Variants in FHOD3 observed in about 807,000 individuals in gnomAD.
The protein encoded by FHOD3 is FH1/FH2 domain-containing protein 3.
Under a neutral mutation model 173.0 loss-of-function variants are expected in FHOD3, and 90 were observed. That is an observed-to-expected ratio of 0.52 (90% CI 0.44 to 0.62). The LOEUF is 0.62. FHOD3 is among the 20% of genes least tolerant of loss of function. The pLI is 0.00. For synonymous variants in FHOD3, 828 were observed against 823.0 expected (o/e 1.01, Z -0.10); for missense variants, 1,945 against 2,034.7 (o/e 0.96, Z 0.85).
chr18:36,722,413 G>A (rs1028400308), intron 19 of FHOD3, among the ~76,000 whole-genome samples: 9 of 152,110 alleles, frequency 5.9e-5, no homozygotes, highest in African/African-American at 1.9e-4. Flanking sequence ...GACATGGAGT[G>A]GAACTCAGTT....
intron 5 of FHOD3, among the ~76,000 whole-genome samples, chr18:36,548,910 G>C (rs1437341450): frequency 6.6e-6 from 1 of 152,116 alleles, no homozygotes; most frequent in African/African-American, 2.4e-5. Context: ...TGTTTGTATG[G>C]AGATGTTTTT....
chr18:36,317,075 A>G (rs1482666676), intron 1 of FHOD3, among the ~76,000 whole-genome samples: 1 of 152,254 alleles, frequency 6.6e-6, no homozygotes, highest in African/African-American at 2.4e-5. Context: ...ATGGCTGCAT[A>G]GTATTCCATT....
At chr18:36,483,521 A>G (rs192526589) in intron 3 of FHOD3, among the ~76,000 whole-genome samples, 18 of 152,326 alleles carry the variant, frequency 1.2e-4, no homozygotes, top group African/African-American at 3.6e-4. Flanking sequence ...GAACGTGTAT[A>G]TGTCAGAGGA....
chr18:36,709,508 C>G, intron 18 of FHOD3, 117 bp downstream of exon 18: 1 of 1,131,258 alleles, frequency 8.8e-7, no homozygotes, highest in Non-Finnish European at 1.2e-6. Flanking sequence ...TCAACCCACT[C>G]ATGTGGCTGT....
rs770782518 is a variant in FHOD3 at position 36,744,208 on chromosome 18, G to A, written c.4041+15G>A. ...GGTCAGCCAAGGTATGTCTGTGGAC[G>A]CTGAGGAGTGGGCCTGGTCTCGCTG... is the stretch of plus-strand genomic sequence containing the variant. On this transcript the variant is annotated intron_variant, in intron 23 of 28. Transcript: ENST00000590592. 63 of 1,604,070 alleles carry A rather than the reference G, an allele frequency of 3.9e-5. No individual in the cohort carries two copies. The highest frequency in any genetic ancestry group is 6.7e-5 in the East Asian group (3 of 44,696).
At chr18:36,434,975 G>A (rs2050739047) in intron 3 of FHOD3, among the ~76,000 whole-genome samples, 2 of 151,874 alleles carry the variant, frequency 1.3e-5, no homozygotes, top group African/African-American at 4.8e-5. Context: ...CACATCATAT[G>A]TAAATAAAGT....
At chr18:36,695,210 G>T (rs2039207449) in intron 17 of FHOD3, among the ~76,000 whole-genome samples, 1 of 151,974 alleles carries the variant, frequency 6.6e-6, no homozygotes, top group South Asian at 2.1e-4. Context: ...AAATTAGCCG[G>T]GCGTGGTGGC....
rs149659760 is a variant in FHOD3, at chr18:36,740,666, C to T, written c.3587C>T (p.Thr1196Met). The change falls in exon 21 of 29, where the codon ACG becomes ATG. Residue 1196 changes from threonine (T) to methionine (M), a missense_variant. By Grantham distance (81) the Thr-to-Met change is moderately conservative. Coordinates refer to ENST00000590592, the MANE Select transcript of FHOD3 (RefSeq NM_001281740.3). ...ATCTCCTATTTCCAGAAAATTCTAACGATGATTCCCACCGATGAGGAGAAG... is the reference window on the plus strand; with the variant it reads ...ATCTCCTATTTCCAGAAAATTCTAATGATGATTCCCACCGATGAGGAGAAG... ...LNKEGIEKIL[T>M]MIPTDEEKQK... is the part of the protein sequence containing the mutation. 1.6e-5 allele frequency: 26 copies of T among 1,613,118 alleles called. No homozygotes were observed. Among genetic ancestry groups the T allele is most frequent in the African/African-American group, 5.3e-5 (4 of 74,856 alleles).
chr18:36,416,561 ACT>A (rs1214491461), intron 3 of FHOD3, among the ~76,000 whole-genome samples: 1 of 151,794 alleles, frequency 6.6e-6, no homozygotes, highest in Non-Finnish European at 1.5e-5. Flanking sequence ...TTCAGTTTCT[ACT>A]CTCTGCTTAT....
chr18:36,384,626 A>T (rs1488155063), intron 3 of FHOD3, among the ~76,000 whole-genome samples: 1 of 151,878 alleles, frequency 6.6e-6, no homozygotes, highest in African/African-American at 2.4e-5. Context: ...TCCAATTTTT[A>T]AAAATAAAGT....
In FHOD3 at chr18:36,742,719, T is replaced by C; in HGVS notation, c.3760-18T>C. 5.5e-6 allele frequency: 8 copies of C among 1,457,930 alleles called. No homozygotes were observed. Among genetic ancestry groups the C allele is most frequent in the Non-Finnish European group, 7.4e-6 (8 of 1,079,418 alleles). 90.3% of individuals were successfully genotyped at this position (1,457,930 alleles called of 1,614,324 possible). On this transcript the variant is annotated intron_variant, in intron 21 of 28. Transcript: ENST00000590592. ...AAATTGTACACTCTTTATTGTCTAA[T>C]TTTTTTTTAACTGAAAGGAAGTAGC...
intron 18 of FHOD3, among the ~76,000 whole-genome samples, chr18:36,714,803 T>G (rs2040359262): frequency 1.3e-5 from 2 of 152,188 alleles, no homozygotes; most frequent in African/African-American, 4.8e-5. Context: ...TTGTAAAACC[T>G]AAAAGAGGGT....
At chr18:36,469,392 G>A (rs976647424) in intron 3 of FHOD3, among the ~76,000 whole-genome samples, 14 of 152,224 alleles carry the variant, frequency 9.2e-5, no homozygotes, top group Non-Finnish European at 1.3e-4. Context: ...CCACTGCAGT[G>A]TAGACAGTTG....
intron 19 of FHOD3, among the ~76,000 whole-genome samples, chr18:36,726,537 C>G (rs1312635457): frequency 6.6e-6 from 1 of 152,122 alleles, no homozygotes. Flanking sequence ...TTCACAAGGA[C>G]CACTCTTTCT....
chr18:36,332,761 G>T (rs541349500), intron 1 of FHOD3, among the ~76,000 whole-genome samples: 1 of 152,196 alleles, frequency 6.6e-6, no homozygotes, highest in Non-Finnish European at 1.5e-5. Flanking sequence ...TGCCTATAGC[G>T]GTAAGGCGGT....
intron 14 of FHOD3, among the ~76,000 whole-genome samples, chr18:36,676,392 C>G (rs1466708839): frequency 1.3e-5 from 2 of 152,034 alleles, no homozygotes; most frequent in Non-Finnish European, 2.9e-5. Context: ...TAGAGTATTC[C>G]TTTCTAAAAA....
chr18:36,523,029 C>A (rs1469456080), intron 5 of FHOD3, among the ~76,000 whole-genome samples: 1 of 152,180 alleles, frequency 6.6e-6, no homozygotes, highest in Non-Finnish European at 1.5e-5. Flanking sequence ...GGGAGTTTGG[C>A]CTGACTTGTT....
chr18:36,652,570 C>T lies in FHOD3; in HGVS notation c.1287C>T (p.Ser429=), dbSNP rs2036135454. The part of the protein sequence containing the change: ...EDDASCQGKD[S]KVGAASGQSP... ...CTCCTCCTCCCTGCTGGCCCAACAG[C>T]AAGGTCGGCGCTGCCTCAGGGCAGA... Residue 429 remains serine (S), a splice_region_variant and synonymous_variant, in exon 12 of 29, where the codon AGC becomes AGT. Coordinates refer to ENST00000590592, the MANE Select transcript of FHOD3 (RefSeq NM_001281740.3). The T allele has an allele frequency of 1.3e-6, 2 of 1,522,200 alleles. No individual in the cohort carries two copies. Among genetic ancestry groups the T allele is most frequent in the Non-Finnish European group, 1.8e-6 (2 of 1,137,362 alleles). The allele number at this position is 1,522,200 out of a possible 1,614,324, so 94.3% of individuals were successfully genotyped here.
chr18:36,592,911 C>T (rs541900712), intron 6 of FHOD3, among the ~76,000 whole-genome samples: 1 of 152,166 alleles, frequency 6.6e-6, no homozygotes, highest in Non-Finnish European at 1.5e-5. Flanking sequence ...TTTGGTCAGG[C>T]CTGGAGTGCA....
Sources: gnomAD v4.1 joint callset for allele counts (sites outside exome capture counted in the v4.1 genomes callset) on GRCh38, gnomAD v4.1.1 for gene constraint, MANE v1.5 for transcripts, NCBI Gene and HGNC (gene_info 2026-07-23, HGNC 2026-07-21) for gene names.